The following SLC4A7 variants were observed in gnomAD, a reference collection of about 807,000 sequenced individuals.
SLC4A7 encodes the protein solute carrier family 4 member 7, also known as sodium bicarbonate cotransporter 3.
A neutral mutation model predicts 137.6 loss-of-function variants in SLC4A7; 51 were observed. That is an observed-to-expected ratio of 0.37 (90% CI 0.30 to 0.47). The LOEUF (loss-of-function observed/expected upper bound fraction) is 0.47. Ranked by LOEUF, SLC4A7 falls within the 20% of genes least tolerant of loss-of-function variation. The pLI is 1.00. For synonymous variants in SLC4A7, 542 were observed against 518.6 expected, an observed-to-expected ratio of 1.05 and a Z score of -0.61; for missense variants, 1,247 against 1,525.4, an observed-to-expected ratio of 0.82 and a Z score of 3.04.
In SLC4A7 at chr3:27,375,002, T is replaced by C. The variant is rs2049804831; in HGVS notation, c.*1762A>G. 1 of 152,358 alleles carries C rather than the reference T, an allele frequency of 6.6e-6. No individual in the cohort carries two copies. The highest frequency in any genetic ancestry group is 1.5e-5 in the Non-Finnish European group (1 of 67,914). The allele number at this position is 152,358 out of a possible 1,614,324, so 9.4% of individuals were successfully genotyped here. A position where few individuals can be genotyped will look rare whatever the true frequency, so the allele number is the denominator to read the frequency against. ...ACTCTTTTTAGGCAGTACCAAATGA[T>C]GACAGCTACATATTTTCTAAAGAAA... On this transcript the variant is annotated 3_prime_UTR_variant, in exon 26 of 26. Coordinates refer to ENST00000454389, the MANE Select transcript of SLC4A7 (RefSeq NM_001321103.2).
chr3:27,448,947 C>T, intron 2 of SLC4A7, 150 bp from the exon 3 acceptor site: 1 of 494,620 alleles, frequency 2.0e-6, no homozygotes, highest in Non-Finnish European at 3.4e-6. Flanking sequence ...TTTTATAAAG[C>T]ACTACACAGA....
chr3:27,471,779 T>C (rs1025833829), intron 1 of SLC4A7, among the ~76,000 whole-genome samples: 2 of 152,318 alleles, frequency 1.3e-5, no homozygotes, highest in Non-Finnish European at 2.9e-5. Flanking sequence ...TTGTTTCAGA[T>C]GACAAACTAA....
Position 27,404,978 on chromosome 3 carries a change from A to G in SLC4A7, c.1942-15T>C. On this transcript the variant is annotated splice_polypyrimidine_tract_variant and intron_variant, in intron 13 of 25. Transcript: ENST00000454389. ...TCTATTGCACTCTGTTTAAGGAAAA[A>G]AGAAATGAATAAAAGCAATACATCA... 4.5e-6 allele frequency: 7 copies of G among 1,548,958 alleles called. No homozygotes were observed. The highest frequency in any genetic ancestry group is 6.1e-6 in the Non-Finnish European group (7 of 1,153,610).
At chr3:27,387,298 A>T (rs2051066003) in intron 22 of SLC4A7, among the ~76,000 whole-genome samples, 1 of 152,218 alleles carries the variant, frequency 6.6e-6, no homozygotes, top group Non-Finnish European at 1.5e-5. Flanking sequence ...TTACATACAG[A>T]AAAATTGAAA....
Position 27,431,655 on chromosome 3 carries a change from C to A in SLC4A7, c.793G>T (p.Ala265Ser). The A allele has an allele frequency of 1.3e-6, 2 of 1,568,850 alleles. No homozygotes were observed. Among genetic ancestry groups the A allele is most frequent in the Non-Finnish European group, 1.7e-6 (2 of 1,157,370 alleles). ...CCTGTTCGCAAAGAGTGGCGGGAGG[C>A]TGAAAGGCCTTCCCCTGAGATAAAA... Reference protein sequence around the residue: ...LLERNGEGLSASRHSLRTGLS... With the variant: ...LLERNGEGLSSSRHSLRTGLS... Residue 265 changes from alanine to serine, a missense_variant, in exon 7 of 26, where the codon GCC (alanine) becomes TCC (serine). Physicochemically the swap from Ala to Ser is moderately conservative, Grantham distance 99. Coordinates refer to ENST00000454389, the MANE Select transcript of SLC4A7 (RefSeq NM_001321103.2).
chr3:27,397,953 C>A, intron 17 of SLC4A7, 156 bp from the exon 18 acceptor site: 1 of 620,450 alleles, frequency 1.6e-6, no homozygotes, highest in Non-Finnish European at 2.7e-6. Context: ...ATATTTAATT[C>A]TTTCCAAAAA....
chr3:27,397,802 G>T lies in SLC4A7; in HGVS notation c.2590-5C>A, dbSNP rs779657143. Reference sequence around the variant, plus strand: ...ATCACTGATTGTCGATCGCACCTATGTTAAAGGGATTATGTTAATATAAAC... The same window carrying T: ...ATCACTGATTGTCGATCGCACCTATTTTAAAGGGATTATGTTAATATAAAC... On this transcript the variant is annotated splice_polypyrimidine_tract_variant and splice_region_variant and intron_variant, in intron 17 of 25. Coordinates refer to ENST00000454389, the MANE Select transcript of SLC4A7 (RefSeq NM_001321103.2). The T allele has an allele frequency of 1.8e-5, 27 of 1,472,814 alleles. No homozygotes were observed. The South Asian group carries it at 3.1e-4, about 17-fold the overall frequency. 91.2% of individuals were successfully genotyped at this position (1,472,814 alleles called of 1,614,324 possible).
At chr3:27,408,430 T>C (rs2053591039) in intron 13 of SLC4A7, among the ~76,000 whole-genome samples, 1 of 152,182 alleles carries the variant, frequency 6.6e-6, no homozygotes, top group Non-Finnish European at 1.5e-5. Flanking sequence ...AAGACTAAGG[T>C]AAAAAGATTT....
rs931653247 is a variant in SLC4A7 at position 27,376,123 on chromosome 3, A to G, written c.*641T>C. The G allele has an allele frequency of 1.3e-5, 2 of 152,106 alleles. No individual in the cohort carries two copies. The highest frequency in any genetic ancestry group is 2.9e-5 in the Non-Finnish European group (2 of 67,928). 9.4% of individuals were successfully genotyped at this position (152,106 alleles called of 1,614,324 possible). A position where few individuals can be genotyped will look rare whatever the true frequency, so the allele number is the denominator to read the frequency against. On this transcript the variant is annotated 3_prime_UTR_variant, in exon 26 of 26. Transcript: ENST00000454389. ...TCACCTGCAATTTTACTTGTCTGTC[A>G]CAATGGATACCTAGATATGAAGGTT...
chr3:27,397,840 T>C (rs767776585), intron 17 of SLC4A7, 43 bp from the exon 18 acceptor site: 3 of 1,112,844 alleles, frequency 2.7e-6, no homozygotes, highest in Non-Finnish European at 4.0e-6. Context: ...AGAAATACTA[T>C]GTGTTCTTTC....
intron 1 of SLC4A7, among the ~76,000 whole-genome samples, chr3:27,463,291 C>G (rs796676762): frequency 1.8e-4 from 28 of 152,212 alleles, no homozygotes; most frequent in African/African-American, 6.5e-4. Flanking sequence ...ATTAGCCAGG[C>G]GTGGTGGCGG....
At chr3:27,462,043 C>T (rs1354902252) in intron 1 of SLC4A7, among the ~76,000 whole-genome samples, 2 of 152,026 alleles carry the variant, frequency 1.3e-5, no homozygotes, top group African/African-American at 4.8e-5. Flanking sequence ...ACTAGATATT[C>T]AACAAATGGA....
At chr3:27,423,860 T>C in intron 8 of SLC4A7, 177 bp downstream of exon 8, 1 of 545,160 alleles carries the variant, frequency 1.8e-6, no homozygotes, top group East Asian at 3.1e-5. Flanking sequence ...AGGTTAACTG[T>C]AACCCTTCTC....
Position 27,379,238 on chromosome 3 carries a change from G to T in SLC4A7, c.3698+11C>A, listed in dbSNP as rs762865073. On this transcript the variant is annotated intron_variant, in intron 25 of 25. Coordinates refer to ENST00000454389, the MANE Select transcript of SLC4A7 (RefSeq NM_001321103.2). ...GCTACAGTTAGAAAACACACAAATAGTTATAACTACCTCATGTTAGATCTG... is the reference window on the plus strand; with the variant it reads ...GCTACAGTTAGAAAACACACAAATATTTATAACTACCTCATGTTAGATCTG... The T allele has an allele frequency of 1.1e-4, 152 of 1,435,368 alleles. No homozygotes were observed. The African/African-American group carries it at 2.0e-3, about 19-fold the overall frequency. 88.9% of individuals were successfully genotyped at this position (1,435,368 alleles called of 1,614,324 possible).
intron 3 of SLC4A7, among the ~76,000 whole-genome samples, chr3:27,438,759 T>C (rs2056961653): frequency 1.3e-5 from 2 of 151,840 alleles, no homozygotes; most frequent in South Asian, 2.1e-4. Flanking sequence ...AACTTTACAA[T>C]GTAAAGTTAA....
Position 27,373,869 on chromosome 3 carries a change from C to G in SLC4A7, c.*2895G>C, listed in dbSNP as rs2049727028. The G allele has an allele frequency of 6.6e-6, 1 of 152,552 alleles. No homozygotes were observed. Among genetic ancestry groups the G allele is most frequent in the Non-Finnish European group, 1.5e-5 (1 of 67,974 alleles). 9.4% of individuals were successfully genotyped at this position (152,552 alleles called of 1,614,324 possible). ...ACATAAAATATTTCGTCCTAGACAT[C>G]TTTACAGAAGACTTGGCAAATATGA... On this transcript the variant is annotated 3_prime_UTR_variant, in exon 26 of 26. Coordinates refer to ENST00000454389, the MANE Select transcript of SLC4A7 (RefSeq NM_001321103.2).
chr3:27,456,561 A>T (rs2058421960), intron 1 of SLC4A7: 6 of 906,598 alleles, frequency 6.6e-6, no homozygotes, highest in Non-Finnish European at 1.1e-5. Flanking sequence ...AGCCAGTGCT[A>T]ATAAGCCTGA....
At chr3:27,390,260 G>T in intron 21 of SLC4A7, 156 bp from the exon 22 acceptor site, 1 of 193,406 alleles carries the variant, frequency 5.2e-6, no homozygotes. Flanking sequence ...GCATTCTCTG[G>T]ATCCAAAGTG....
intron 1 of SLC4A7, among the ~76,000 whole-genome samples, chr3:27,472,364 G>T (rs777407119): frequency 6.6e-6 from 1 of 152,164 alleles, no homozygotes; most frequent in African/African-American, 2.4e-5. Context: ...AAAGTGGGCT[G>T]ATCACCCGAG....
Sources: gnomAD v4.1 joint callset for allele counts (sites outside exome capture counted in the v4.1 genomes callset) on GRCh38, gnomAD v4.1.1 for gene constraint, MANE v1.5 for transcripts, NCBI Gene and HGNC (gene_info 2026-07-23, HGNC 2026-07-21) for gene names.